The following RPS6KA2 variants were observed in gnomAD, a reference collection of about 807,000 sequenced individuals.
RPS6KA2 encodes the protein ribosomal protein S6 kinase alpha-2.
In RPS6KA2, 42 loss-of-function variants were observed where a neutral mutation model predicts 91.8. The ratio of observed to expected loss-of-function variants is 0.46; its 90% CI spans 0.36 to 0.59. RPS6KA2 has a LOEUF of 0.59. Among genes scored for constraint, RPS6KA2 ranks in the 20% least tolerant of loss-of-function variants. The probability of loss-of-function intolerance (pLI) is 0.00; values close to 1 mark genes in which losing one functional copy is unlikely to be tolerated. For synonymous variants in RPS6KA2, 414 were observed against 393.6 expected (o/e 1.05, Z -0.61); for missense variants, 798 against 978.5 (o/e 0.82, Z 2.46).
rs571609144 is a variant in RPS6KA2 at position 166,538,736 on chromosome 6, C to A, written c.148G>T (p.Gly50Cys). 1 of 1,612,184 alleles carries A rather than the reference C, an allele frequency of 6.2e-7. No homozygotes were observed. The highest frequency in any genetic ancestry group is 1.3e-5 in the African/African-American group (1 of 74,992). The change falls in exon 2 of 21, where the codon GGC (glycine) becomes TGC (cysteine). Residue 50 changes from glycine (G) to cysteine (C), a missense_variant. By Grantham distance (159) the Gly-to-Cys change is radical (BLOSUM62 -3). Transcript: ENST00000265678. ...EIDISHHVKE[G>C]FEKADPSQFE... ...TGGGAAGGATCTGCCTTCTCAAAGCCCTCCTTCACATGATGGCTGATGTCT... is the reference window on the plus strand; with the variant it reads ...TGGGAAGGATCTGCCTTCTCAAAGCACTCCTTCACATGATGGCTGATGTCT...
rs79588600 is a variant in RPS6KA2 at position 166,542,941 on chromosome 6, C to A, written c.100-4157G>T. On this transcript the variant is annotated intron_variant, in intron 1 of 20. Coordinates refer to ENST00000265678, the MANE Select transcript of RPS6KA2 (RefSeq NM_021135.6). Reference sequence around the variant, plus strand: ...CTCATTTCCAAAAAAGGAGAGAGGTCATTCTATAAATCGCAGATTCACATG... The same window carrying A: ...CTCATTTCCAAAAAAGGAGAGAGGTAATTCTATAAATCGCAGATTCACATG... Among the ~76,000 whole-genome samples, 988 of 152,282 alleles carry A rather than the reference C, an allele frequency of 6.5e-3. 11 individuals carry two copies. The highest frequency in any genetic ancestry group is 0.022 in the African/African-American group (899 of 41,562).
At chr6:166,450,507 G>T (rs1779867344) in intron 13 of RPS6KA2, among the ~76,000 whole-genome samples, 1 of 148,490 alleles carries the variant, frequency 6.7e-6, no homozygotes. Context: ...CCACCATGGG[G>T]ACCACCAGAG....
chr6:166,779,942 T>A (rs536811527), intron 2 of RPS6KA2, among the ~76,000 whole-genome samples: 1 of 152,104 alleles, frequency 6.6e-6, no homozygotes, highest in Non-Finnish European at 1.5e-5. Context: ...AAGGAGATAG[T>A]TTTTTTGAAC....
chr6:166,816,752 G>A (rs1779776480), intron 2 of RPS6KA2, among the ~76,000 whole-genome samples: 2 of 152,270 alleles, frequency 1.3e-5, no homozygotes, highest in South Asian at 4.1e-4. Flanking sequence ...CTCACTCTCA[G>A]GAGGTTGTTG....
At chr6:166,439,462 A>C (rs1312407011) in intron 14 of RPS6KA2, among the ~76,000 whole-genome samples, 1 of 152,194 alleles carries the variant, frequency 6.6e-6, no homozygotes, top group Admixed American at 6.5e-5. Context: ...ATTTATGCTA[A>C]ATGAAGATAA....
intron 1 of RPS6KA2, among the ~76,000 whole-genome samples, chr6:166,601,045 TAAAAA>T (rs772469281): frequency 6.6e-6 from 1 of 152,032 alleles, no homozygotes; most frequent in Non-Finnish European, 1.5e-5. Flanking sequence ...TTAGAAGTGT[TAAAAA>T]AAGAAGAAAA....
intron 2 of RPS6KA2, among the ~76,000 whole-genome samples, chr6:166,657,957 C>G (rs1333658332): frequency 6.6e-6 from 1 of 152,168 alleles, no homozygotes; most frequent in Non-Finnish European, 1.5e-5. Context: ...GATCTCGGCT[C>G]ACCGCAACTT....
chr6:166,573,824 A>G (rs1784760146), intron 1 of RPS6KA2, among the ~76,000 whole-genome samples: 1 of 152,228 alleles, frequency 6.6e-6, no homozygotes, highest in Non-Finnish European at 1.5e-5. Context: ...CCCAGTTTTG[A>G]AAAAAGTTAG....
chr6:166,567,979 G>T (rs569963042), intron 1 of RPS6KA2, among the ~76,000 whole-genome samples: 1 of 152,146 alleles, frequency 6.6e-6, no homozygotes, highest in East Asian at 1.9e-4. Context: ...CAGCCTCTGC[G>T]CCTGGCAGCT....
At chr6:166,660,835 A>AT (rs34127904) in intron 2 of RPS6KA2, among the ~76,000 whole-genome samples, 34 of 151,668 alleles carry the variant, frequency 2.2e-4, no homozygotes, top group East Asian at 1.9e-3. Context: ...CCATTGATGG[A>AT]TTTTTTTTTA....
intron 2 of RPS6KA2, among the ~76,000 whole-genome samples, chr6:166,745,963 A>T (rs73263049): frequency 0.038 from 5,817 of 152,306 alleles, 159 homozygotes; most frequent in Middle Eastern, 0.068. Flanking sequence ...TGAGGACATG[A>T]GGAACGAAAC....
chr6:166,670,753 T>C (rs934419470), intron 2 of RPS6KA2, among the ~76,000 whole-genome samples: 1 of 152,242 alleles, frequency 6.6e-6, no homozygotes, highest in African/African-American at 2.4e-5. Context: ...CTACAGATGA[T>C]GGGAGTTTCT....
chr6:166,469,705 G>A (rs4710053), intron 11 of RPS6KA2, 136 bp downstream of exon 11: 283,695 of 792,644 alleles, frequency 0.36, 55,352 homozygotes, highest in African/African-American at 0.66. Flanking sequence ...CTCCCTGCCT[G>A]CAGGTGGCTT....
intron 1 of RPS6KA2, among the ~76,000 whole-genome samples, chr6:166,541,441 A>T (rs1783650521): frequency 6.6e-6 from 1 of 152,240 alleles, no homozygotes; most frequent in Admixed American, 6.5e-5. Flanking sequence ...GAGCTCATGC[A>T]GTCCCATGGG....
At chr6:166,604,682 C>T (rs1157584658) in intron 1 of RPS6KA2, among the ~76,000 whole-genome samples, 1 of 152,148 alleles carries the variant, frequency 6.6e-6, no homozygotes, top group Admixed American at 6.5e-5. Flanking sequence ...GAACATGGGG[C>T]GCCTGATGTC....
At chr6:166,596,170 G>A (rs1252659596) in intron 1 of RPS6KA2, among the ~76,000 whole-genome samples, 1 of 152,232 alleles carries the variant, frequency 6.6e-6, no homozygotes, top group Non-Finnish European at 1.5e-5. Context: ...CACAGGCCAT[G>A]GGGAAGATAG....
In RPS6KA2 at chr6:166,852,263, G is replaced by A. The variant is rs1402832651; in HGVS notation, c.123+5937C>T. On this transcript the variant is annotated intron_variant, in intron 2 of 21. Transcript: ENST00000503859. The surrounding 1 kb of genome is among the most constrained non-coding windows in gnomAD (Gnocchi z 4.1). ...GAGACGCCACAGAGACAGATTCACA[G>A]GAGGTAATAAGCAGGGCCTGGAAGA... 5.3e-5 allele frequency among the ~76,000 whole-genome samples: 8 copies of A among 152,166 alleles called. No homozygotes were observed. Among genetic ancestry groups the A allele is most frequent in the Non-Finnish European group, 1.0e-4 (7 of 68,032 alleles).
At chr6:166,695,057 T>C (rs1424440398) in intron 2 of RPS6KA2, among the ~76,000 whole-genome samples, 1 of 152,204 alleles carries the variant, frequency 6.6e-6, no homozygotes, top group African/African-American at 2.4e-5. Flanking sequence ...AAGGAGCTAA[T>C]ATTCCGGTGG....
At chr6:166,658,032 G>A (rs1232076315) in intron 2 of RPS6KA2, among the ~76,000 whole-genome samples, 3 of 152,148 alleles carry the variant, frequency 2.0e-5, no homozygotes, top group Non-Finnish European at 4.4e-5. Context: ...ACAGGCATGT[G>A]CCACCATGCC....
Sources: allele counts gnomAD v4.1 joint callset (sites outside exome capture counted in the v4.1 genomes callset), GRCh38; gene constraint gnomAD v4.1.1; non-coding constraint Gnocchi (gnomAD v3.1); transcripts MANE v1.5; gene names NCBI Gene and HGNC (gene_info 2026-07-23, HGNC 2026-07-21).